Variants in PDE11A observed in about 807,000 individuals in gnomAD.
The protein encoded by PDE11A is dual 3',5'-cyclic-AMP and -GMP phosphodiesterase 11A.
In PDE11A, 100 loss-of-function variants were observed where a neutral mutation model predicts 100.5. The observed-to-expected ratio is 1.00, with a 90% confidence interval of 0.85 to 1.18. PDE11A has a LOEUF of 1.18. Among genes scored for constraint, PDE11A ranks in the 50% most tolerant of loss-of-function variants. The probability of loss-of-function intolerance (pLI) is 0.00; values close to 1 mark genes in which losing one functional copy is unlikely to be tolerated. For missense variants in PDE11A, 1,141 were observed against 1,152.6 expected (o/e 0.99, Z 0.15); for synonymous variants, 381 against 420.8 (o/e 0.91, Z 1.16).
intron 2 of PDE11A, among the ~76,000 whole-genome samples, chr2:177,941,684 C>CA (rs1267272571): frequency 1.3e-5 from 2 of 152,130 alleles, no homozygotes; most frequent in African/African-American, 4.8e-5. Context: ...CCCCATGCTG[C>CA]CATGGTTATT....
chr2:178,049,668 C>T (rs1488975615), intron 1 of PDE11A, among the ~76,000 whole-genome samples: 3 of 152,098 alleles, frequency 2.0e-5, no homozygotes, highest in Non-Finnish European at 4.4e-5. Context: ...TGTGCTTTTC[C>T]AACAGTCTTA....
chr2:177,728,937 C>A (rs1455229679), intron 10 of PDE11A, among the ~76,000 whole-genome samples: 2 of 152,114 alleles, frequency 1.3e-5, no homozygotes, highest in African/African-American at 4.8e-5. Flanking sequence ...CTTTGGAAAT[C>A]ATTTGTATGG....
rs193217948 is a variant in PDE11A, at chr2:178,054,940, C to T, written c.912+16586G>A. Reference sequence around the variant, plus strand: ...TCAACCATTGTGGAAGACAGTGTGGCGATTCTTCAAGGATCTAGAACTAGA... The same window carrying T: ...TCAACCATTGTGGAAGACAGTGTGGTGATTCTTCAAGGATCTAGAACTAGA... On this transcript the variant is annotated intron_variant, in intron 1 of 19. Coordinates refer to ENST00000286063, the MANE Select transcript of PDE11A (RefSeq NM_016953.4). 1.1e-3 allele frequency among the ~76,000 whole-genome samples: 164 copies of T among 152,208 alleles called. 2 individuals are homozygous for T. Among genetic ancestry groups the T allele is most frequent in the African/African-American group, 3.6e-3 (150 of 41,524 alleles).
In PDE11A at chr2:177,817,873, A is replaced by G; in HGVS notation, c.1629T>C (p.Asp543=). 6.6e-7 allele frequency: 1 copy of G among 1,520,238 alleles called. No homozygotes were observed. Among genetic ancestry groups the G allele is most frequent in the East Asian group, 2.3e-5 (1 of 44,440 alleles). 94.2% of individuals were successfully genotyped at this position (1,520,238 alleles called of 1,614,324 possible). Reference sequence around the variant, plus strand: ...ATTTTCTTACCTCAAAAAGTCGTTGATCTGCATCATCAAAAGGTTTCCCAT... The same window carrying G: ...ATTTTCTTACCTCAAAAAGTCGTTGGTCTGCATCATCAAAAGGTTTCCCAT... ...RLDGKPFDDA[D]QRLFEAFVIF... Residue 543 remains aspartate, a synonymous_variant, in exon 8 of 20, where the codon GAT becomes GAC. Transcript: ENST00000286063.
At chr2:177,848,587 A>C (rs1024511736) in intron 5 of PDE11A, among the ~76,000 whole-genome samples, 4 of 152,212 alleles carry the variant, frequency 2.6e-5, no homozygotes, top group African/African-American at 9.7e-5. Flanking sequence ...TGAGACTCAA[A>C]CTGACTTCAA....
chr2:177,700,326 GATA>G (rs1000387385), intron 14 of PDE11A, among the ~76,000 whole-genome samples: 21 of 149,572 alleles, frequency 1.4e-4, no homozygotes, highest in African/African-American at 4.7e-4. Context: ...CCTTAATGAT[GATA>G]ATAATAATAA....
At chr2:177,652,063 C>T (rs189264259) in intron 19 of PDE11A, among the ~76,000 whole-genome samples, 5 of 152,320 alleles carry the variant, frequency 3.3e-5, no homozygotes, top group Non-Finnish European at 7.4e-5. Context: ...GTTCCTGTCA[C>T]TCTCTTGCGC....
At chr2:177,918,245 T>G (rs947402976) in intron 2 of PDE11A, among the ~76,000 whole-genome samples, 1 of 152,234 alleles carries the variant, frequency 6.6e-6, no homozygotes, top group Non-Finnish European at 1.5e-5. Flanking sequence ...ACAGTCTAAC[T>G]TACAAACTAA....
intron 15 of PDE11A, among the ~76,000 whole-genome samples, chr2:177,696,429 G>A (rs1013775902): frequency 4.6e-5 from 7 of 152,108 alleles, no homozygotes; most frequent in Admixed American, 2.6e-4. Context: ...CAAGCAAGGA[G>A]AGTAGAAATT....
chr2:177,956,705 A>G (rs2085567630), intron 2 of PDE11A, among the ~76,000 whole-genome samples: 1 of 152,260 alleles, frequency 6.6e-6, no homozygotes, highest in Non-Finnish European at 1.5e-5. Context: ...TGTGGCACAT[A>G]TACATCATGG....
intron 6 of PDE11A, among the ~76,000 whole-genome samples, chr2:177,827,322 G>A (rs560474453): frequency 3.9e-4 from 60 of 152,340 alleles, no homozygotes; most frequent in Middle Eastern, 3.4e-3. Context: ...GGCCTTCCAT[G>A]GCAGAGAAGA....
intron 1 of PDE11A, among the ~76,000 whole-genome samples, chr2:178,057,994 A>C (rs1287373537): frequency 6.6e-6 from 1 of 152,048 alleles, no homozygotes; most frequent in Non-Finnish European, 1.5e-5. Context: ...AGTAGCTGGG[A>C]TTACAAGCAC....
At chr2:177,645,031 G>A (rs2080202556) in intron 19 of PDE11A, among the ~76,000 whole-genome samples, 2 of 152,072 alleles carry the variant, frequency 1.3e-5, no homozygotes, top group African/African-American at 4.8e-5. Flanking sequence ...AACCAGTCTT[G>A]GGTATGTCTT....
At chr2:178,034,850 G>A (rs2086591041) in intron 1 of PDE11A, among the ~76,000 whole-genome samples, 1 of 152,140 alleles carries the variant, frequency 6.6e-6, no homozygotes. Flanking sequence ...CAACATACCA[G>A]AATCTCTGGG....
chr2:177,819,888 C>CTG (rs907677184), intron 7 of PDE11A, among the ~76,000 whole-genome samples: 10 of 140,636 alleles, frequency 7.1e-5, no homozygotes, highest in Middle Eastern at 3.7e-3. Context: ...CTCTCTCTCT[C>CTG]TCTCTCTGTC....
chr2:177,812,700 G>C (rs1472809682), intron 9 of PDE11A, among the ~76,000 whole-genome samples: 1 of 152,052 alleles, frequency 6.6e-6, no homozygotes, highest in East Asian at 1.9e-4. Flanking sequence ...AGAGAGGAAG[G>C]GAAATACCTA....
intron 5 of PDE11A, among the ~76,000 whole-genome samples, chr2:177,857,569 A>C (rs2083863198): frequency 6.6e-6 from 1 of 152,102 alleles, no homozygotes; most frequent in Non-Finnish European, 1.5e-5. Context: ...TATATGGAGC[A>C]AAGTTTTTGT....
intron 19 of PDE11A, among the ~76,000 whole-genome samples, chr2:177,659,408 T>A (rs896665329): frequency 6.6e-6 from 1 of 152,012 alleles, no homozygotes; most frequent in African/African-American, 2.4e-5. Context: ...ATTTTCCTAC[T>A]CTTAATGGAA....
chr2:177,819,168 G>A (rs2083094446), intron 7 of PDE11A, among the ~76,000 whole-genome samples: 1 of 151,996 alleles, frequency 6.6e-6, no homozygotes, highest in African/African-American at 2.4e-5. Context: ...TGTAGTTTAA[G>A]TCTTTGTACT....
Sources: allele counts gnomAD v4.1 joint callset (sites outside exome capture counted in the v4.1 genomes callset), GRCh38; gene constraint gnomAD v4.1.1; transcripts MANE v1.5; gene names NCBI Gene and HGNC (gene_info 2026-07-23, HGNC 2026-07-21).